HS6ST3: variants seen among roughly 807,000 people sequenced by gnomAD.
The protein encoded by HS6ST3 is heparan-sulfate 6-O-sulfotransferase 3.
HS6ST3 carries 12 observed loss-of-function variants against 36.7 expected under a neutral mutation model. The observed-to-expected ratio is 0.33, with a 90% CI of 0.21 to 0.53. The LOEUF (loss-of-function observed/expected upper bound fraction) is 0.53. Among genes scored for constraint, HS6ST3 ranks in the 20% least tolerant of loss-of-function variants. HS6ST3 has a pLI of 0.95. For missense variants in HS6ST3, 584 were observed against 640.9 expected (o/e 0.91, Z 0.96); for synonymous variants, 240 against 257.5 (o/e 0.93, Z 0.65).
At chr13:96,197,258 A>G (rs1309509859) in intron 1 of HS6ST3, among the ~76,000 whole-genome samples, 2 of 152,146 alleles carry the variant, frequency 1.3e-5, no homozygotes, top group Admixed American at 6.5e-5. Context: ...GTGGCAAGAG[A>G]AAATGAGAGA....
chr13:96,219,699 T>C (rs1461193415), intron 1 of HS6ST3, among the ~76,000 whole-genome samples: 1 of 152,150 alleles, frequency 6.6e-6, no homozygotes, highest in East Asian at 1.9e-4. Flanking sequence ...CTTTTTTTTT[T>C]TTGAGACGAA....
intron 1 of HS6ST3, among the ~76,000 whole-genome samples, chr13:96,604,131 T>C (rs968991602): frequency 1.3e-5 from 2 of 152,150 alleles, no homozygotes; most frequent in Non-Finnish European, 2.9e-5. Context: ...AAGAAGTAGT[T>C]TGAGAAATCA....
intron 1 of HS6ST3, among the ~76,000 whole-genome samples, chr13:96,402,725 C>A (rs936457555): frequency 6.6e-6 from 1 of 152,190 alleles, no homozygotes; most frequent in Admixed American, 6.5e-5. Flanking sequence ...TTTCGACATT[C>A]ACTCATGTGG....
At chr13:96,238,655 A>G (rs1242142323) in intron 1 of HS6ST3, among the ~76,000 whole-genome samples, 1 of 152,212 alleles carries the variant, frequency 6.6e-6, no homozygotes, top group Admixed American at 6.5e-5. Context: ...GCTTAGGATT[A>G]TGCATATTTG....
intron 1 of HS6ST3, among the ~76,000 whole-genome samples, chr13:96,098,923 T>C (rs922217806): frequency 2.0e-5 from 3 of 152,110 alleles, no homozygotes; most frequent in Middle Eastern, 3.2e-3. Context: ...CTGAGACTCA[T>C]CTCATGCATA....
At chr13:96,730,915 A>G (rs1437915205) in intron 1 of HS6ST3, among the ~76,000 whole-genome samples, 2 of 152,124 alleles carry the variant, frequency 1.3e-5, no homozygotes, top group Non-Finnish European at 2.9e-5. Context: ...AAATTTTTGT[A>G]GAGATGAGGT....
chr13:96,550,873 C>T (rs188685298), intron 1 of HS6ST3, among the ~76,000 whole-genome samples: 172 of 152,178 alleles, frequency 1.1e-3, no homozygotes, highest in Admixed American at 2.5e-3. Context: ...AAAGTCAGGT[C>T]ATCTCCCAGG....
intron 1 of HS6ST3, among the ~76,000 whole-genome samples, chr13:96,215,771 T>C (rs745647291): frequency 2.0e-5 from 3 of 152,156 alleles, no homozygotes; most frequent in Non-Finnish European, 4.4e-5. Flanking sequence ...ATATGGGCTA[T>C]GGAGTAAGGT....
At chr13:96,572,360 G>A (rs1044233363) in intron 1 of HS6ST3, among the ~76,000 whole-genome samples, 1 of 152,172 alleles carries the variant, frequency 6.6e-6, no homozygotes, top group Non-Finnish European at 1.5e-5. Flanking sequence ...TCTCTGGAGA[G>A]AAAAGTTTGG....
chr13:96,224,277 A>T (rs1440854796), intron 1 of HS6ST3, among the ~76,000 whole-genome samples: 1 of 152,096 alleles, frequency 6.6e-6, no homozygotes, highest in Non-Finnish European at 1.5e-5. Context: ...AGAAGAGTAA[A>T]GTCTCAAGGC....
At chr13:96,235,325 G>T (rs1409077755) in intron 1 of HS6ST3, among the ~76,000 whole-genome samples, 1 of 152,132 alleles carries the variant, frequency 6.6e-6, no homozygotes, top group Non-Finnish European at 1.5e-5. Context: ...TGGTTGAGCT[G>T]CCACACCACA....
chr13:96,354,235 C>A (rs533947597), intron 1 of HS6ST3, among the ~76,000 whole-genome samples: 1 of 152,068 alleles, frequency 6.6e-6, no homozygotes, highest in African/African-American at 2.4e-5. Flanking sequence ...AAAAGTGATG[C>A]AAGTACAGTT....
chr13:96,745,095 C>T (rs1876531501), intron 1 of HS6ST3, among the ~76,000 whole-genome samples: 1 of 152,072 alleles, frequency 6.6e-6, no homozygotes, highest in Non-Finnish European at 1.5e-5. Context: ...CAAGAAGATA[C>T]ATGGCCTCTT....
intron 1 of HS6ST3, among the ~76,000 whole-genome samples, chr13:96,193,434 G>T (rs562919160): frequency 6.6e-6 from 1 of 152,270 alleles, no homozygotes; most frequent in Non-Finnish European, 1.5e-5. Flanking sequence ...AGTAAAGGCA[G>T]AGGAAAAGAA....
chr13:96,517,111 G>C (rs1243084458), intron 1 of HS6ST3, among the ~76,000 whole-genome samples: 1 of 152,134 alleles, frequency 6.6e-6, no homozygotes, highest in Non-Finnish European at 1.5e-5. Flanking sequence ...AGGCGCAGTG[G>C]CTCATGCCTG....
At chr13:96,324,991 A>T (rs1457260752) in intron 1 of HS6ST3, among the ~76,000 whole-genome samples, 3 of 152,190 alleles carry the variant, frequency 2.0e-5, no homozygotes, top group Non-Finnish European at 4.4e-5. Context: ...ATAACATTTT[A>T]GGATGGACAA....
intron 1 of HS6ST3, among the ~76,000 whole-genome samples, chr13:96,232,996 T>C (rs1181315454): frequency 6.6e-6 from 1 of 152,174 alleles, no homozygotes; most frequent in East Asian, 1.9e-4. Context: ...CCTCTACAGG[T>C]TTAATTTCAT....
chr13:96,423,570 C>T (rs1435713471), intron 1 of HS6ST3, among the ~76,000 whole-genome samples: 3 of 151,242 alleles, frequency 2.0e-5, no homozygotes, highest in African/African-American at 7.3e-5. Flanking sequence ...GAGTGCCAGC[C>T]ATTTCGATTT....
chr13:96,398,658 G>A (rs1381400764), intron 1 of HS6ST3, among the ~76,000 whole-genome samples: 1 of 152,160 alleles, frequency 6.6e-6, no homozygotes, highest in East Asian at 1.9e-4. Context: ...TTCATATTGT[G>A]GGAACAGACC....
Sources: gnomAD v4.1 joint callset for allele counts (sites outside exome capture counted in the v4.1 genomes callset) on GRCh38, gnomAD v4.1.1 for gene constraint, MANE v1.5 for transcripts, NCBI Gene and HGNC (gene_info 2026-07-23, HGNC 2026-07-21) for gene names.